Variants in NALF1 observed in about 807,000 individuals in gnomAD.
The protein encoded by NALF1 is NALCN channel auxiliary factor 1.
Under a neutral mutation model 48.4 loss-of-function variants are expected in NALF1, and 3 were observed. The ratio of observed to expected loss-of-function variants is 0.06; its 90% CI spans 0.03 to 0.16. NALF1 has a LOEUF of 0.16. Ranked by LOEUF, NALF1 falls within the 10% of genes least tolerant of loss-of-function variation. NALF1 has a pLI of 1.00. For missense variants in NALF1, 526 were observed against 571.5 expected, an observed-to-expected ratio of 0.92 and a Z score of 0.81; for synonymous variants, 262 against 245.7, an observed-to-expected ratio of 1.07 and a Z score of -0.62.
chr13:107,299,110 C>G (rs1350598213), intron 1 of NALF1, among the ~76,000 whole-genome samples: 1 of 152,086 alleles, frequency 6.6e-6, no homozygotes, highest in Non-Finnish European at 1.5e-5. Flanking sequence ...TAGAATAGCT[C>G]TCATCTGGGT....
At chr13:107,524,372 C>A (rs886791069) in intron 1 of NALF1, among the ~76,000 whole-genome samples, 2 of 151,856 alleles carry the variant, frequency 1.3e-5, no homozygotes, top group African/African-American at 4.8e-5. Context: ...TTTGATTATT[C>A]GAGAAGTCAT....
At chr13:107,580,769 GT>G (rs1387855989) in intron 1 of NALF1, among the ~76,000 whole-genome samples, 1 of 152,148 alleles carries the variant, frequency 6.6e-6, no homozygotes, top group Admixed American at 6.5e-5. Flanking sequence ...TGCACAGATT[GT>G]TTTCCTCTTC....
intron 1 of NALF1, among the ~76,000 whole-genome samples, 180 bp downstream of exon 1, chr13:107,865,502 T>G (rs1401350217): frequency 1.3e-4 from 20 of 152,022 alleles, no homozygotes; most frequent in Admixed American, 1.2e-3. Context: ...CATCAGTCAG[T>G]CCACCAGCAA....
In NALF1 at chr13:107,866,729, TTCTC is replaced by T. The variant is rs1880745698; in HGVS notation, c.-137_-134del. ...CGTTTCTTCTCTCTCCTCTCTCTCT[TTCTC>T]TCTCTTCCCCTCTCCCTCTCTCCTC... is the stretch of plus-strand genomic sequence containing the variant. On this transcript the variant is annotated 5_prime_UTR_variant, in exon 1 of 3. Coordinates refer to ENST00000375915, the MANE Select transcript of NALF1 (RefSeq NM_001080396.3). The surrounding 1 kb of genome is among the most constrained non-coding windows in gnomAD (Gnocchi z 4.4). 6.5e-6 allele frequency: 4 copies of T among 615,350 alleles called. No individual in the cohort carries two copies. The highest frequency in any genetic ancestry group is 3.0e-5 in the Admixed American group (1 of 32,980). 38.1% of individuals were successfully genotyped at this position (615,350 alleles called of 1,614,324 possible).
chr13:107,605,337 T>G (rs904916413), intron 1 of NALF1, among the ~76,000 whole-genome samples: 2 of 152,218 alleles, frequency 1.3e-5, no homozygotes, highest in African/African-American at 4.8e-5. Context: ...CCTCCTGCTC[T>G]CTTTCCAGCT....
chr13:107,521,457 G>A (rs1169955481), intron 1 of NALF1, among the ~76,000 whole-genome samples: 1 of 152,078 alleles, frequency 6.6e-6, no homozygotes, highest in Non-Finnish European at 1.5e-5. Flanking sequence ...AACTTTCCAA[G>A]TCCTGATAAA....
chr13:107,410,165 A>G (rs1232570227), intron 1 of NALF1, among the ~76,000 whole-genome samples: 1 of 152,204 alleles, frequency 6.6e-6, no homozygotes, highest in Non-Finnish European at 1.5e-5. Context: ...TGGGCTCAGG[A>G]AAGATTTTTT....
intron 1 of NALF1, among the ~76,000 whole-genome samples, chr13:107,440,471 G>A (rs1884538804): frequency 6.6e-6 from 1 of 152,158 alleles, no homozygotes; most frequent in South Asian, 2.1e-4. Context: ...ATCACTCTAT[G>A]TACTGTTCCA....
intron 1 of NALF1, among the ~76,000 whole-genome samples, chr13:107,784,041 C>T (rs1050858736): frequency 2.0e-5 from 3 of 152,104 alleles, no homozygotes; most frequent in Non-Finnish European, 1.5e-5. Context: ...TGAGAGAAGA[C>T]GTCTCCTTCC....
chr13:107,296,846 A>G (rs541729532), intron 1 of NALF1, among the ~76,000 whole-genome samples: 1 of 152,242 alleles, frequency 6.6e-6, no homozygotes, highest in South Asian at 2.1e-4. Flanking sequence ...AAGTGTTTGC[A>G]AATTAAATTC....
intron 2 of NALF1, among the ~76,000 whole-genome samples, chr13:107,174,311 T>C (rs531907216): frequency 1.3e-5 from 2 of 152,038 alleles, no homozygotes; most frequent in Non-Finnish European, 2.9e-5. Flanking sequence ...TGAGATGACA[T>C]GCCTGAACTG....
intron 1 of NALF1, among the ~76,000 whole-genome samples, chr13:107,700,880 T>C (rs892344139): frequency 1.3e-5 from 2 of 152,048 alleles, no homozygotes; most frequent in East Asian, 1.9e-4. Flanking sequence ...CCAACAGATA[T>C]ATGAAAAGGT....
chr13:107,432,687 T>C (rs987983762), intron 1 of NALF1, among the ~76,000 whole-genome samples: 1 of 152,146 alleles, frequency 6.6e-6, no homozygotes, highest in African/African-American at 2.4e-5. Flanking sequence ...TCAATGTAAA[T>C]TTAAAGCCCT....
At chr13:107,232,382 C>T (rs1302401835) in intron 1 of NALF1, among the ~76,000 whole-genome samples, 1 of 152,170 alleles carries the variant, frequency 6.6e-6, no homozygotes, top group Non-Finnish European at 1.5e-5. Context: ...TTATAGAAAA[C>T]ACTAGAGATT....
intron 1 of NALF1, among the ~76,000 whole-genome samples, chr13:107,780,644 GCC>G (rs1292292345): frequency 6.6e-6 from 1 of 151,760 alleles, no homozygotes; most frequent in East Asian, 2.0e-4. Flanking sequence ...GATTACAGGC[GCC>G]CACCAACAGT....
At chr13:107,267,116 G>A (rs1447159332) in intron 1 of NALF1, among the ~76,000 whole-genome samples, 1 of 152,154 alleles carries the variant, frequency 6.6e-6, no homozygotes, top group African/African-American at 2.4e-5. Flanking sequence ...CTTGGCTCTT[G>A]GCCAAGACTC....
chr13:107,319,858 G>A (rs896508731), intron 1 of NALF1, among the ~76,000 whole-genome samples: 2 of 152,066 alleles, frequency 1.3e-5, no homozygotes, highest in South Asian at 2.1e-4. Flanking sequence ...ATGATGCTTG[G>A]ATTCCAACTT....
chr13:107,316,056 C>T (rs548958679), intron 1 of NALF1, among the ~76,000 whole-genome samples: 4 of 152,094 alleles, frequency 2.6e-5, no homozygotes, highest in African/African-American at 9.6e-5. Context: ...TCTTCCCCCA[C>T]CCCACAACAG....
Position 107,492,359 on chromosome 13 carries a change from C to T in NALF1, c.916-281604G>A, listed in dbSNP as rs199990433. On this transcript the variant is annotated intron_variant, in intron 1 of 2. Transcript: ENST00000375915. ...CCACTGTGCCCAGCCACAAGCCTGT[C>T]TTAAACTTACCCTCATATGAAGAAT... Among the ~76,000 whole-genome samples, 4 of 152,118 alleles carry T rather than the reference C, an allele frequency of 2.6e-5. No homozygotes were observed. The East Asian group carries it at 7.8e-4, about 30-fold the overall frequency.
Sources: allele counts gnomAD v4.1 joint callset (sites outside exome capture counted in the v4.1 genomes callset), GRCh38; gene constraint gnomAD v4.1.1; non-coding constraint Gnocchi (gnomAD v3.1); transcripts MANE v1.5; gene names NCBI Gene and HGNC (gene_info 2026-07-23, HGNC 2026-07-21).